RABGAP1L: variants seen among roughly 807,000 people sequenced by gnomAD.
RABGAP1L encodes RAB GTPase activating protein 1 like.
A neutral mutation model predicts 137.7 loss-of-function variants in RABGAP1L; 63 were observed. The observed-to-expected ratio is 0.46, with a 90% confidence interval of 0.37 to 0.56. The LOEUF is 0.56. RABGAP1L is among the 20% of genes least tolerant of loss of function. The pLI is 0.00. For synonymous variants in RABGAP1L, 431 were observed against 433.7 expected (o/e 0.99, Z 0.08); for missense variants, 1,095 against 1,244.0 (o/e 0.88, Z 1.80).
At chr1:174,906,621 C>A (rs1659130649) in intron 19 of RABGAP1L, among the ~76,000 whole-genome samples, 1 of 151,724 alleles carries the variant, frequency 6.6e-6, no homozygotes. Context: ...GAATGAGATT[C>A]CATCTCAAAA....
intron 1 of RABGAP1L, among the ~76,000 whole-genome samples, chr1:174,186,715 T>C (rs1006936034): frequency 2.6e-5 from 4 of 152,192 alleles, no homozygotes. Flanking sequence ...ATCTAGTAAA[T>C]GATGGGTTAA....
chr1:174,797,650 G>A (rs1163254317), intron 18 of RABGAP1L, among the ~76,000 whole-genome samples: 3 of 135,242 alleles, frequency 2.2e-5, no homozygotes, highest in Non-Finnish European at 4.8e-5. Flanking sequence ...GGTGTGTGGG[G>A]AGTGTGTGTG....
intron 23 of RABGAP1L, 115 bp downstream of exon 23, chr1:174,979,005 C>G (rs1670877907): frequency 4.6e-6 from 6 of 1,292,330 alleles, no homozygotes; most frequent in African/African-American, 1.6e-5. Flanking sequence ...ATAGCAGGAC[C>G]CCATATCTAC....
chr1:174,516,983 A>G (rs10798319), intron 13 of RABGAP1L, among the ~76,000 whole-genome samples: 58,463 of 150,970 alleles, frequency 0.39, 14,256 homozygotes, highest in African/African-American at 0.69. Context: ...TAAATTATTG[A>G]TGCTTTGAAA....
intron 17 of RABGAP1L, among the ~76,000 whole-genome samples, chr1:174,743,413 T>C (rs1173166159): frequency 6.6e-6 from 1 of 152,198 alleles, no homozygotes; most frequent in East Asian, 1.9e-4. Flanking sequence ...TCAATTTCTA[T>C]GTTTATCCAA....
intron 19 of RABGAP1L, among the ~76,000 whole-genome samples, chr1:174,852,830 AAAC>A (rs1002197237): frequency 1.3e-5 from 2 of 151,964 alleles, no homozygotes; most frequent in Admixed American, 6.6e-5. Context: ...AAAAAAATAA[AAAC>A]AAAAAAAAGT....
At chr1:174,674,194 C>T (rs1243360243) in intron 14 of RABGAP1L, among the ~76,000 whole-genome samples, 15 of 149,582 alleles carry the variant, frequency 1.0e-4, no homozygotes, top group Non-Finnish European at 1.9e-4. Flanking sequence ...CCCATTAACT[C>T]GTCATTTAGC....
intron 14 of RABGAP1L, among the ~76,000 whole-genome samples, chr1:174,665,275 A>G (rs1572731297): frequency 6.6e-6 from 1 of 151,966 alleles, no homozygotes. Context: ...AAATTATTTA[A>G]CCTACCTTGA....
At chr1:174,516,024 A>G (rs984591789) in intron 13 of RABGAP1L, among the ~76,000 whole-genome samples, 2 of 152,040 alleles carry the variant, frequency 1.3e-5, no homozygotes, top group African/African-American at 4.8e-5. Context: ...TAGTTCCTGG[A>G]AAATCACTTG....
chr1:174,226,208 C>A (rs1670163990), intron 3 of RABGAP1L, among the ~76,000 whole-genome samples: 1 of 152,178 alleles, frequency 6.6e-6, no homozygotes, highest in Admixed American at 6.5e-5. Context: ...GGAAAACTCA[C>A]CACTGTAATA....
chr1:174,798,607 T>G (rs948144559), intron 18 of RABGAP1L, among the ~76,000 whole-genome samples: 1 of 105,264 alleles, frequency 9.5e-6, no homozygotes, highest in East Asian at 5.3e-4. Flanking sequence ...TTTAAGCTCA[T>G]TTTCATAATT....
At chr1:174,852,954 TATTG>T (rs925590678) in intron 19 of RABGAP1L, among the ~76,000 whole-genome samples, 46 of 152,258 alleles carry the variant, frequency 3.0e-4, no homozygotes, top group African/African-American at 9.9e-4. Context: ...TTAAAGATAA[TATTG>T]ATCATTTTTA....
At chr1:174,200,673 C>T (rs956550434) in intron 1 of RABGAP1L, among the ~76,000 whole-genome samples, 2 of 152,050 alleles carry the variant, frequency 1.3e-5, no homozygotes, top group East Asian at 1.9e-4. Flanking sequence ...TTTTTGTTTA[C>T]TTGACATTTC....
chr1:174,894,743 T>A (rs1380015512), intron 19 of RABGAP1L, among the ~76,000 whole-genome samples: 1 of 67,626 alleles, frequency 1.5e-5, no homozygotes, highest in African/African-American at 2.2e-4. Context: ...TTTTGTTTGT[T>A]TGTTTTGTTT....
Position 174,918,773 on chromosome 1 carries a change from T to TA in RABGAP1L, c.2341-38684_2341-38683insA, listed in dbSNP as rs774787442. On this transcript the variant is annotated intron_variant, in intron 19 of 25. Transcript: ENST00000681986. ...TCCTGGGAGACAGAGCAAGATCTTT[T>TA]TTCAAAAAAGAAGAAAAGAATTCAG... 5.3e-5 allele frequency among the ~76,000 whole-genome samples: 8 copies of TA among 152,012 alleles called. No individual in the cohort carries two copies. The South Asian group carries it at 1.0e-3, about 20-fold the overall frequency.
intron 1 of RABGAP1L, among the ~76,000 whole-genome samples, chr1:174,166,230 GT>G (rs141862311): frequency 7.4e-5 from 11 of 148,888 alleles, no homozygotes; most frequent in African/African-American, 1.5e-4. Flanking sequence ...GAGAGACAGT[GT>G]TTTTTTTTTG....
chr1:174,811,515 G>A (rs1404145886), intron 18 of RABGAP1L, among the ~76,000 whole-genome samples: 1 of 152,012 alleles, frequency 6.6e-6, no homozygotes, highest in African/African-American at 2.4e-5. Flanking sequence ...TCCTTTTTTA[G>A]CCTTATTCTT....
intron 13 of RABGAP1L, among the ~76,000 whole-genome samples, chr1:174,501,477 C>T (rs1287395521): frequency 1.3e-5 from 2 of 152,138 alleles, no homozygotes; most frequent in South Asian, 2.1e-4. Context: ...GCATGAGCCA[C>T]CGTGCCTGGC....
Position 174,622,510 on chromosome 1 carries a change from A to C in RABGAP1L, c.1711-14865A>C, listed in dbSNP as rs559569832. 6.8e-3 allele frequency among the ~76,000 whole-genome samples: 1,036 copies of C among 152,356 alleles called. 13 individuals are homozygous for C. The highest frequency in any genetic ancestry group is 0.023 in the African/African-American group (975 of 41,584). On this transcript the variant is annotated intron_variant, in intron 13 of 25. Transcript: ENST00000681986. ...AAAATGTGGCACATATACACCATGGAATACTATGCAGCCATAAAATATGAT... is the reference window on the plus strand; with the variant it reads ...AAAATGTGGCACATATACACCATGGCATACTATGCAGCCATAAAATATGAT...
Sources: gnomAD v4.1 joint callset for allele counts (sites outside exome capture counted in the v4.1 genomes callset) on GRCh38, gnomAD v4.1.1 for gene constraint, MANE v1.5 for transcripts, NCBI Gene and HGNC (gene_info 2026-07-23, HGNC 2026-07-21) for gene names.